The following HOMER2 variants were observed in gnomAD, a reference collection of about 807,000 sequenced individuals.
HOMER2 encodes the protein homer protein homolog 2.
Under a neutral mutation model 47.0 loss-of-function variants are expected in HOMER2, and 27 were observed. The observed-to-expected ratio is 0.57, with a 90% CI of 0.42 to 0.79. The LOEUF is 0.79. Among genes scored for constraint, HOMER2 ranks in the 30% least tolerant of loss-of-function variants. HOMER2 has a pLI of 0.00. For synonymous variants in HOMER2, 161 were observed against 163.8 expected (o/e 0.98, Z 0.13); for missense variants, 443 against 435.0 (o/e 1.02, Z -0.16).
rs1222594125 is a variant in HOMER2 at position 82,854,767 on chromosome 15, C to T, written c.528G>A (p.Leu176=). 1.2e-6 allele frequency: 2 copies of T among 1,611,228 alleles called. No homozygotes were observed. The highest frequency in any genetic ancestry group is 1.3e-5 in the African/African-American group (1 of 74,946). ...GTGCATTGCTCTCCCGAAGGGTCTG[C>T]AGCTCGATCTCCCACTTCTTCACGT... is the stretch of plus-strand genomic sequence containing the variant. The part of the protein sequence containing the change: ...AANVKKWEIE[L]QTLRESNARL... Residue 176 remains leucine (L), a synonymous_variant, in exon 6 of 9, where the codon CTG becomes CTA. Transcript: ENST00000450735.
At chr15:82,900,985 TG>T (rs1215633791) in intron 1 of HOMER2, among the ~76,000 whole-genome samples, 1 of 152,200 alleles carries the variant, frequency 6.6e-6, no homozygotes. Flanking sequence ...CAAGTGCCGC[TG>T]ATGAATGCTG....
chr15:82,905,646 G>A (rs1395407183), intron 1 of HOMER2, among the ~76,000 whole-genome samples: 1 of 152,168 alleles, frequency 6.6e-6, no homozygotes, highest in Non-Finnish European at 1.5e-5. Flanking sequence ...CCCTGCAAGT[G>A]AGAAGAATGG....
At chr15:82,869,678 G>C (rs931421029) in intron 3 of HOMER2, among the ~76,000 whole-genome samples, 1 of 151,762 alleles carries the variant, frequency 6.6e-6, no homozygotes, top group Non-Finnish European at 1.5e-5. Context: ...GGCTGGTCTC[G>C]AACTCTTGAC....
At chr15:82,842,699 T>C (rs2051189436) in exon 2 of HOMER2, 3 of 152,056 alleles carry the variant, frequency 2.0e-5, no homozygotes, top group African/African-American at 7.3e-5. Flanking sequence ...GTGGTACCAG[T>C]GCTAGAATGT....
intron 1 of HOMER2, among the ~76,000 whole-genome samples, chr15:82,944,745 T>C (rs2054337290): frequency 6.6e-6 from 1 of 152,140 alleles, no homozygotes; most frequent in African/African-American, 2.4e-5. Context: ...CCACGGTTTT[T>C]TTTTTTTAAA....
At position 82,849,452 on chromosome 15, in the gene HOMER2, C is replaced by A; in HGVS notation, c.*263G>T. 1 of 505,438 alleles carries A rather than the reference C, an allele frequency of 2.0e-6. No homozygotes were observed. Among genetic ancestry groups the A allele is most frequent in the Non-Finnish European group, 3.5e-6 (1 of 284,178 alleles). The allele number at this position is 505,438 out of a possible 1,614,324, so 31.3% of individuals were successfully genotyped here. ...TTATGAAAGATATAAACATCCCTGCCCTGACTGCATAAATGTTGAAGGTAG... is the reference window on the plus strand; with the variant it reads ...TTATGAAAGATATAAACATCCCTGCACTGACTGCATAAATGTTGAAGGTAG... On this transcript the variant is annotated 3_prime_UTR_variant, in exon 9 of 9. Transcript: ENST00000450735.
chr15:82,976,527 G>A (rs1333169543), intron 1 of HOMER2, among the ~76,000 whole-genome samples: 1 of 151,914 alleles, frequency 6.6e-6, no homozygotes, highest in African/African-American at 2.4e-5. Flanking sequence ...TCGAACTCCT[G>A]ACCTCAGGTG....
intron 1 of HOMER2, chr15:82,952,060 A>G (rs1235412477): frequency 2.0e-6 from 2 of 983,572 alleles, no homozygotes; most frequent in Non-Finnish European, 2.4e-6. Context: ...AGCAGATCCA[A>G]AGTCCACTAT....
chr15:82,850,904 CACTGTGGTGATG>C (rs1412102075), intron 8 of HOMER2, among the ~76,000 whole-genome samples: 2 of 152,264 alleles, frequency 1.3e-5, no homozygotes, highest in Non-Finnish European at 2.9e-5. Flanking sequence ...CAGTCGTCTA[CACTGTGGTGATG>C]CACAGGGGCC....
At position 82,952,627 on chromosome 15, in the gene HOMER2, G is replaced by C; in HGVS notation, c.-92C>G. On this transcript the variant is annotated 5_prime_UTR_variant, in exon 1 of 9. Coordinates refer to ENST00000450735, the MANE Select transcript of HOMER2 (RefSeq NM_004839.4). Reference sequence around the variant, plus strand: ...CCGCTCCCCGCGCGGCACATGCGGCGGCCCGTGCGCGCCCGGCTCAGCCCC... The same window carrying C: ...CCGCTCCCCGCGCGGCACATGCGGCCGCCCGTGCGCGCCCGGCTCAGCCCC... 9.6e-7 allele frequency: 1 copy of C among 1,044,586 alleles called. No individual in the cohort carries two copies. The highest frequency in any genetic ancestry group is 1.1e-6 in the Non-Finnish European group (1 of 870,002). The allele number at this position is 1,044,586 out of a possible 1,614,324, so 64.7% of individuals were successfully genotyped here. A position where few individuals can be genotyped will look rare whatever the true frequency, so the allele number is the denominator to read the frequency against.
chr15:82,982,566 A>C (rs1052109787), intron 1 of HOMER2, among the ~76,000 whole-genome samples: 5 of 152,190 alleles, frequency 3.3e-5, no homozygotes, highest in Non-Finnish European at 7.3e-5. Context: ...AAAATCTGAA[A>C]TCCAAAATGC....
rs1287371859 is a variant in HOMER2, at chr15:82,930,317, G to A, written c.5+22214C>T. Among the ~76,000 whole-genome samples, 4 of 152,270 alleles carry A rather than the reference G, an allele frequency of 2.6e-5. No homozygotes were observed. The South Asian group carries it at 6.2e-4, about 24-fold the overall frequency. On this transcript the variant is annotated intron_variant, in intron 1 of 8. Coordinates refer to ENST00000450735, the MANE Select transcript of HOMER2 (RefSeq NM_004839.4). ...GGAGTCAATAAGTATTAGTTACCCCGGCAGAACTCACTCTTCCACAGAAAC... is the reference window on the plus strand; with the variant it reads ...GGAGTCAATAAGTATTAGTTACCCCAGCAGAACTCACTCTTCCACAGAAAC...
intron 1 of HOMER2, among the ~76,000 whole-genome samples, chr15:82,961,113 C>T (rs965867997): frequency 3.9e-5 from 6 of 152,240 alleles, no homozygotes; most frequent in African/African-American, 1.4e-4. Flanking sequence ...CTGCTTGCCC[C>T]GCAGGGTCTC....
At chr15:82,889,149 C>T (rs571196106) in intron 2 of HOMER2, among the ~76,000 whole-genome samples, 2 of 152,210 alleles carry the variant, frequency 1.3e-5, no homozygotes, top group Non-Finnish European at 2.9e-5. Context: ...AGCTAAGACA[C>T]AGCCCCAAAA....
chr15:82,961,478 T>G (rs2054629879), intron 1 of HOMER2, among the ~76,000 whole-genome samples: 1 of 152,238 alleles, frequency 6.6e-6, no homozygotes, highest in Non-Finnish European at 1.5e-5. Flanking sequence ...CTTTACCTTC[T>G]TCAAAACTAT....
intron 7 of HOMER2, 96 bp downstream of exon 7, chr15:82,852,046 G>T: frequency 1.3e-6 from 1 of 766,848 alleles, no homozygotes; most frequent in Non-Finnish European, 2.2e-6. Context: ...CCAGGCAGCT[G>T]CCAGGGCCAG....
rs2054518659 is a variant in HOMER2, at chr15:82,952,113, A to G, written c.5+418T>C. On this transcript the variant is annotated intron_variant, in intron 1 of 8. Coordinates refer to ENST00000450735, the MANE Select transcript of HOMER2 (RefSeq NM_004839.4). ...ATTATTATTTGATTATTTCCAGGAA[A>G]ACTTCGATTTCCATTTTGCTTGTAA... 3 of 892,404 alleles carry G rather than the reference A, an allele frequency of 3.4e-6. No homozygotes were observed. In the South Asian group the frequency reaches 1.5e-4, roughly 46 times the overall value. The allele number at this position is 892,404 out of a possible 1,614,324, so 55.3% of individuals were successfully genotyped here.
At chr15:82,876,231 G>A (rs1009824106) in intron 2 of HOMER2, among the ~76,000 whole-genome samples, 3 of 152,216 alleles carry the variant, frequency 2.0e-5, no homozygotes, top group African/African-American at 7.2e-5. Context: ...ACTGATGTCT[G>A]CAAGTTAGCC....
chr15:82,936,577 T>G (rs545595266), intron 1 of HOMER2, among the ~76,000 whole-genome samples: 4 of 152,276 alleles, frequency 2.6e-5, no homozygotes, highest in Non-Finnish European at 4.4e-5. Flanking sequence ...TATTTCTTTT[T>G]TTTGTTTGTT....
Sources: gnomAD v4.1 joint callset for allele counts (sites outside exome capture counted in the v4.1 genomes callset) on GRCh38, gnomAD v4.1.1 for gene constraint, MANE v1.5 for transcripts, NCBI Gene and HGNC (gene_info 2026-07-23, HGNC 2026-07-21) for gene names.